Variants in DHRSX observed in about 807,000 individuals in gnomAD.
DHRSX encodes the protein dehydrogenase/reductase X-linked.
Under a neutral mutation model 34.0 loss-of-function variants are expected in DHRSX, and 31 were observed. That is an observed-to-expected ratio of 0.91 (90% CI 0.69 to 1.23). DHRSX has a LOEUF of 1.23. Among genes scored for constraint, DHRSX ranks in the 50% most tolerant of loss-of-function variants. DHRSX has a pLI of 0.00. For synonymous variants in DHRSX, 201 were observed against 183.8 expected (o/e 1.09, Z -0.76); for missense variants, 414 against 428.1 (o/e 0.97, Z 0.29).
chrX:2,346,881 T>C (rs768145373), intron 3 of DHRSX, among the ~76,000 whole-genome samples: 70 of 152,160 alleles, frequency 4.6e-4, no homozygotes, highest in African/African-American at 1.6e-3. Flanking sequence ...CTCCCACTTA[T>C]GAGTGAGAAC....
intron 4 of DHRSX, among the ~76,000 whole-genome samples, chrX:2,289,481 T>G (rs748828616): frequency 6.6e-6 from 1 of 152,302 alleles, no homozygotes; most frequent in Non-Finnish European, 1.5e-5. Flanking sequence ...ATGGAAGTAG[T>G]CGCACAAAAG....
At chrX:2,222,385 C>G (rs1263271547) in intron 6 of DHRSX, among the ~76,000 whole-genome samples, 1 of 152,204 alleles carries the variant, frequency 6.6e-6, no homozygotes, top group Non-Finnish European at 1.5e-5. Context: ...GGTGGCCAGC[C>G]CCATCTTGAA....
chrX:2,252,814 G>T (rs1265137818), intron 5 of DHRSX, among the ~76,000 whole-genome samples: 12 of 152,176 alleles, frequency 7.9e-5, no homozygotes, highest in Admixed American at 7.9e-4. Context: ...CCAGAAATGG[G>T]AAAGAATGAA....
At chrX:2,349,102 A>T (rs367669687) in intron 3 of DHRSX, among the ~76,000 whole-genome samples, 1 of 152,118 alleles carries the variant, frequency 6.6e-6, no homozygotes, top group Non-Finnish European at 1.5e-5. Context: ...GACGTTCCTC[A>T]AAAAAATTAA....
At chrX:2,485,743 A>AAGGG (rs1300851362) in intron 1 of DHRSX, among the ~76,000 whole-genome samples, 1 of 65,710 alleles carries the variant, frequency 1.5e-5, no homozygotes, top group Non-Finnish European at 2.8e-5. Context: ...AAAGGGAGAG[A>AAGGG]AGGGAGGGAA....
At chrX:2,252,687 G>A (rs970867954) in intron 5 of DHRSX, among the ~76,000 whole-genome samples, 3 of 152,136 alleles carry the variant, frequency 2.0e-5, no homozygotes, top group Admixed American at 6.6e-5. Flanking sequence ...ACGGTGTGGG[G>A]GCAGGCGAAA....
intron 3 of DHRSX, among the ~76,000 whole-genome samples, chrX:2,303,675 CATGGACGG>C (rs912484317): frequency 1.3e-5 from 2 of 152,158 alleles, no homozygotes; most frequent in South Asian, 2.1e-4. Flanking sequence ...TGGATGCATG[CATGGACGG>C]ATGGACGGAT....
chrX:2,238,018 T>C (rs2016056358), intron 6 of DHRSX, among the ~76,000 whole-genome samples: 2 of 152,082 alleles, frequency 1.3e-5, no homozygotes, highest in African/African-American at 2.4e-5. Context: ...ACCATCTGCA[T>C]GTCTCAGCAT....
chrX:2,393,863 A>G (rs867678221), intron 3 of DHRSX, among the ~76,000 whole-genome samples: 2 of 77,822 alleles, frequency 2.6e-5, no homozygotes, highest in African/African-American at 4.9e-5. Context: ...GGACCTCCCC[A>G]TCTCCTGGGC....
chrX:2,351,977 C>T (rs112141140), intron 3 of DHRSX, among the ~76,000 whole-genome samples: 1 of 152,196 alleles, frequency 6.6e-6, no homozygotes, highest in African/African-American at 2.4e-5. Flanking sequence ...GCCTCGGCCT[C>T]CCAAAGTGCT....
intron 3 of DHRSX, among the ~76,000 whole-genome samples, chrX:2,304,293 G>GTGGGTGGA (rs2042072746): frequency 2.1e-5 from 2 of 94,938 alleles, no homozygotes; most frequent in South Asian, 6.9e-4. Flanking sequence ...GGGTGGGTGG[G>GTGGGTGGA]TGGATGGATG....
At chrX:2,379,133 G>A (rs1286735920) in intron 3 of DHRSX, among the ~76,000 whole-genome samples, 2 of 151,992 alleles carry the variant, frequency 1.3e-5, no homozygotes, top group East Asian at 1.9e-4. Context: ...AGTTTTGGGG[G>A]AGTGAAGAGT....
At chrX:2,422,393 G>A (rs899672544) in intron 2 of DHRSX, among the ~76,000 whole-genome samples, 1 of 152,138 alleles carries the variant, frequency 6.6e-6, no homozygotes, top group Non-Finnish European at 1.5e-5. Context: ...CTCCCGAGCA[G>A]CTGGGATTAC....
At chrX:2,407,034 G>C (rs183419157) in intron 3 of DHRSX, among the ~76,000 whole-genome samples, 4 of 152,066 alleles carry the variant, frequency 2.6e-5, no homozygotes, top group Non-Finnish European at 4.4e-5. Flanking sequence ...AACAACACAC[G>C]AAAGCATAAA....
intron 3 of DHRSX, among the ~76,000 whole-genome samples, chrX:2,347,109 GTAGA>G (rs1337750478): frequency 2.6e-5 from 4 of 152,138 alleles, no homozygotes; most frequent in African/African-American, 7.2e-5. Context: ...TTTTCATGCT[GTAGA>G]TAAAGACATA....
rs113630318 is a variant in DHRSX at position 2,315,161 on chromosome X, TAA to T, written c.287-23560_287-23559del. Among the ~76,000 whole-genome samples the T allele has an allele frequency of 1.3e-3, 181 of 137,650 alleles. 1 individual carries two copies. The highest frequency in any genetic ancestry group is 3.8e-3 in the African/African-American group (146 of 38,214). The allele number at this position is 137,650 out of a possible 152,430, so 90.3% of individuals were successfully genotyped here. ...CAGCAAGAGTGAAACTCCGTTTCAA[TAA>T]AAAAAAAAAAAACGTTAGGTCTTAA... On this transcript the variant is annotated intron_variant, in intron 3 of 6. Transcript: ENST00000334651.
chrX:2,256,776 A>G (rs2041285586), intron 5 of DHRSX, among the ~76,000 whole-genome samples: 1 of 149,388 alleles, frequency 6.7e-6, no homozygotes, highest in South Asian at 2.1e-4. Flanking sequence ...AAAGCCAAGA[A>G]CCACATCTTT....
At chrX:2,323,278 G>T (rs2042335620) in intron 3 of DHRSX, among the ~76,000 whole-genome samples, 1 of 152,138 alleles carries the variant, frequency 6.6e-6, no homozygotes, top group African/African-American at 2.4e-5. Context: ...GAGATGCATT[G>T]AATCTGTCAC....
At chrX:2,333,306 C>T (rs115548225) in intron 3 of DHRSX, among the ~76,000 whole-genome samples, 1,639 of 152,110 alleles carry the variant, frequency 0.011, 26 homozygotes, top group Middle Eastern at 0.027. Flanking sequence ...TTTTTTTAAA[C>T]TTGTATGTTA....
Sources: allele counts gnomAD v4.1 joint callset (sites outside exome capture counted in the v4.1 genomes callset), GRCh38; gene constraint gnomAD v4.1.1; transcripts MANE v1.5; gene names NCBI Gene and HGNC (gene_info 2026-07-23, HGNC 2026-07-21).